The following WIPI2 variants were observed in gnomAD, a reference collection of about 807,000 sequenced individuals.
The protein encoded by WIPI2 is WD repeat domain, phosphoinositide interacting 2.
A neutral mutation model predicts 52.3 loss-of-function variants in WIPI2; 28 were observed. The observed-to-expected ratio is 0.54, with a 90% CI of 0.40 to 0.73. The LOEUF is 0.73. Ranked by LOEUF, WIPI2 falls within the 30% of genes least tolerant of loss-of-function variation. The pLI, the probability that WIPI2 is intolerant of heterozygous loss-of-function variation, is 0.00. For synonymous variants in WIPI2, 268 were observed against 245.0 expected (o/e 1.09, Z -0.88); for missense variants, 506 against 602.9 (o/e 0.84, Z 1.68).
At position 5,225,499 on chromosome 7, in the gene WIPI2, A is replaced by T. The variant is rs530580119; in HGVS notation, c.741-324A>T. Among the ~76,000 whole-genome samples, 6 of 152,288 alleles carry T rather than the reference A, an allele frequency of 3.9e-5. No homozygotes were observed. The South Asian group carries it at 1.2e-3, about 32-fold the overall frequency. ...CGATTTACCCTCTGGTGTGGAAAGAATGGCTGTAACTTAAATTACTGAGTT... is the reference window on the plus strand; with the variant it reads ...CGATTTACCCTCTGGTGTGGAAAGATTGGCTGTAACTTAAATTACTGAGTT... On this transcript the variant is annotated intron_variant, in intron 8 of 12. Transcript: ENST00000288828.
intron 2 of WIPI2, among the ~76,000 whole-genome samples, chr7:5,198,187 A>C (rs1781844111): frequency 6.6e-6 from 1 of 152,236 alleles, no homozygotes; most frequent in East Asian, 1.9e-4. Flanking sequence ...TTTCCAGCCC[A>C]CTGCTCAGCC....
chr7:5,217,980 C>G lies in WIPI2; in HGVS notation c.635C>G (p.Ala212Gly), dbSNP rs1782908953. Reference sequence around the variant, plus strand: ...CCTTTAGCGGCACTGGCCTTTGACGCAAGTGGAACTAAACTTGCCACGGCT... The same window carrying G: ...CCTTTAGCGGCACTGGCCTTTGACGGAAGTGGAACTAAACTTGCCACGGCT... Reference protein sequence around the residue: ...DSPLAALAFDASGTKLATASE... With the variant: ...DSPLAALAFDGSGTKLATASE... Residue 212 changes from alanine to glycine, a missense_variant, in exon 7 of 13, where the codon GCA becomes GGA. By Grantham distance (60) the Ala-to-Gly change is moderately conservative. This residue lies in a region of WIPI2 where 237 missense variants were observed against 346.9 expected (regional missense o/e 0.68). Transcript: ENST00000288828. 8 of 1,614,242 alleles carry G rather than the reference C, an allele frequency of 5.0e-6. No individual in the cohort carries two copies. Among genetic ancestry groups the G allele is most frequent in the Non-Finnish European group, 5.9e-6 (7 of 1,180,040 alleles).
At position 5,203,732 on chromosome 7, in the gene WIPI2, G is replaced by C. The variant is rs186763158; in HGVS notation, c.211+4074G>C. On this transcript the variant is annotated intron_variant, in intron 3 of 12. Coordinates refer to ENST00000288828, the MANE Select transcript of WIPI2 (RefSeq NM_015610.4). ...ACTGCAAGCTCCGCCTCCCGGATTC[G>C]CGCCATTCTCCTGCCTCAGCCTCCC... Among the ~76,000 whole-genome samples, 184 of 146,260 alleles carry C rather than the reference G, an allele frequency of 1.3e-3. 1 individual carries two copies. The highest frequency in any genetic ancestry group is 4.5e-3 in the African/African-American group (180 of 39,658).
At chr7:5,209,016 T>A (rs1782429572) in intron 3 of WIPI2, among the ~76,000 whole-genome samples, 1 of 103,008 alleles carries the variant, frequency 9.7e-6, no homozygotes, top group Non-Finnish European at 2.0e-5. Context: ...TTCTGTGATT[T>A]TTTTTTTTTT....
chr7:5,194,897 C>T (rs1402483023), intron 2 of WIPI2, among the ~76,000 whole-genome samples: 2 of 152,178 alleles, frequency 1.3e-5, no homozygotes, highest in African/African-American at 4.8e-5. Context: ...AGCAGAGAAC[C>T]AACCTAGTTT....
At chr7:5,198,249 A>C (rs1781846464) in intron 2 of WIPI2, among the ~76,000 whole-genome samples, 1 of 152,148 alleles carries the variant, frequency 6.6e-6, no homozygotes, top group Non-Finnish European at 1.5e-5. Flanking sequence ...GCAGAAGCAC[A>C]GAGAGATGCC....
intron 8 of WIPI2, among the ~76,000 whole-genome samples, chr7:5,223,541 T>A (rs926758046): frequency 1.3e-5 from 2 of 151,918 alleles, no homozygotes; most frequent in African/African-American, 4.8e-5. Flanking sequence ...CTTTCTGGAG[T>A]TTTCCTGTGT....
At chr7:5,216,802 C>T in intron 5 of WIPI2, 143 bp downstream of exon 5, 2 of 797,838 alleles carry the variant, frequency 2.5e-6, no homozygotes, top group Admixed American at 2.7e-5. Context: ...AAGCTGCCTT[C>T]CTACTGATGC....
chr7:5,205,736 G>A (rs2115243337), intron 3 of WIPI2, among the ~76,000 whole-genome samples: 1 of 152,162 alleles, frequency 6.6e-6, no homozygotes, highest in Non-Finnish European at 1.5e-5. Context: ...TTGAACTCCT[G>A]ACCTCAAGTG....
chr7:5,210,053 G>A (rs183067808), intron 3 of WIPI2, among the ~76,000 whole-genome samples: 4 of 152,022 alleles, frequency 2.6e-5, no homozygotes, highest in East Asian at 3.9e-4. Flanking sequence ...GATTACAGGC[G>A]CCCACCGCGA....
intron 3 of WIPI2, among the ~76,000 whole-genome samples, chr7:5,204,554 C>A (rs1726775533): frequency 6.6e-6 from 1 of 152,180 alleles, no homozygotes; most frequent in Non-Finnish European, 1.5e-5. Flanking sequence ...CAAACCTAAA[C>A]TACTAGCAAT....
At chr7:5,191,912 T>C (rs1781501815) in intron 1 of WIPI2, among the ~76,000 whole-genome samples, 1 of 152,160 alleles carries the variant, frequency 6.6e-6, no homozygotes, top group Non-Finnish European at 1.5e-5. Flanking sequence ...GCAAATCACC[T>C]CATCCAACTA....
chr7:5,201,219 A>T (rs950067988), intron 3 of WIPI2, among the ~76,000 whole-genome samples: 1 of 152,202 alleles, frequency 6.6e-6, no homozygotes. Context: ...CCAGATCCAG[A>T]TGAAGCGCCT....
chr7:5,222,717 G>C, intron 8 of WIPI2, 45 bp downstream of exon 8: 1 of 1,561,532 alleles, frequency 6.4e-7, no homozygotes. Context: ...GGTTGTATTT[G>C]GATTTCAGTT....
chr7:5,211,735 C>A (rs907369632), intron 3 of WIPI2, among the ~76,000 whole-genome samples: 4 of 152,152 alleles, frequency 2.6e-5, no homozygotes, highest in Admixed American at 1.3e-4. Flanking sequence ...TCCTATGTGT[C>A]CCAACCCTGA....
intron 7 of WIPI2, among the ~76,000 whole-genome samples, chr7:5,220,784 C>T (rs1783082283): frequency 6.6e-6 from 1 of 151,220 alleles, no homozygotes; most frequent in Non-Finnish European, 1.5e-5. Flanking sequence ...CTTAGATAGT[C>T]TTTTCTTTCT....
At chr7:5,219,240 G>A (rs531227193) in intron 7 of WIPI2, among the ~76,000 whole-genome samples, 1 of 152,306 alleles carries the variant, frequency 6.6e-6, no homozygotes, top group East Asian at 1.9e-4. Flanking sequence ...CCGCCCAACT[G>A]GGCAGCAACA....
intron 2 of WIPI2, among the ~76,000 whole-genome samples, chr7:5,196,328 G>A (rs747521831): frequency 1.2e-3 from 175 of 151,890 alleles, no homozygotes; most frequent in Non-Finnish European, 2.1e-3. Flanking sequence ...CAGCCTGGGC[G>A]ACAGAGCAAA....
chr7:5,215,196 G>A (rs1420319255), intron 4 of WIPI2, among the ~76,000 whole-genome samples: 1 of 151,948 alleles, frequency 6.6e-6, no homozygotes, highest in South Asian at 2.1e-4. Context: ...CTGTAATCCC[G>A]GCTACTCGGG....
Sources: allele counts gnomAD v4.1 joint callset (sites outside exome capture counted in the v4.1 genomes callset), GRCh38; gene constraint gnomAD v4.1.1; regional missense constraint gnomAD v4.1.1; transcripts MANE v1.5; gene names NCBI Gene and HGNC (gene_info 2026-07-23, HGNC 2026-07-21).